MEGF10: variants seen among roughly 807,000 people sequenced by gnomAD.
MEGF10 encodes multiple epidermal growth factor-like domains protein 10.
MEGF10 carries 86 observed loss-of-function variants against 147.5 expected under a neutral mutation model. That is an observed-to-expected ratio of 0.58 (90% CI 0.49 to 0.70). The LOEUF (loss-of-function observed/expected upper bound fraction) is 0.70. MEGF10 is among the 30% of genes least tolerant of loss of function. The pLI, the probability that MEGF10 is intolerant of heterozygous loss-of-function variation, is 0.00. For synonymous variants in MEGF10, 478 were observed against 525.5 expected (o/e 0.91, Z 1.24); for missense variants, 1,329 against 1,487.3 (o/e 0.89, Z 1.75).
At chr5:127,272,548 T>G in the MEGF10 span, among the ~76,000 whole-genome samples, 1 of 152,240 alleles carries the variant, frequency 6.6e-6, no homozygotes, top group Admixed American at 6.5e-5. Flanking sequence ...TATTGATTCT[T>G]CCTATCCATG....
In MEGF10 at chr5:127,426,406, G is replaced by A. The variant is rs188032291; in HGVS notation, c.1693+3634G>A. ...TTTCCAAAAAAAGTACCATTTTATT[G>A]TAGTATGTGGTTATTTAAAACCTTA... On this transcript the variant is annotated intron_variant, in intron 13 of 24. Transcript: ENST00000503335. 4.3e-4 allele frequency among the ~76,000 whole-genome samples: 65 copies of A among 152,256 alleles called. 1 individual carries two copies. Among genetic ancestry groups the A allele is most frequent in the Middle Eastern group, 3.4e-3 (1 of 294 alleles).
chr5:127,446,670 G>A (rs1458104171), intron 20 of MEGF10, among the ~76,000 whole-genome samples: 1 of 152,186 alleles, frequency 6.6e-6, no homozygotes, highest in Admixed American at 6.5e-5. Flanking sequence ...CAAAGGGAAG[G>A]CTTGGGTTTT....
At chr5:127,450,052 A>C (rs1050407348) in intron 22 of MEGF10, among the ~76,000 whole-genome samples, 1 of 152,222 alleles carries the variant, frequency 6.6e-6, no homozygotes, top group African/African-American at 2.4e-5. Flanking sequence ...CATTTTTATA[A>C]AAAAATCTCT....
the MEGF10 span, among the ~76,000 whole-genome samples, chr5:127,239,768 G>A: frequency 2.6e-5 from 4 of 152,036 alleles, no homozygotes; most frequent in Non-Finnish European, 5.9e-5. Context: ...AGATGTTTGA[G>A]ATTTTTGCCC....
intron 7 of MEGF10, among the ~76,000 whole-genome samples, chr5:127,402,178 C>T (rs80211942): frequency 0.011 from 1,705 of 152,216 alleles, 21 homozygotes; most frequent in East Asian, 0.047. Context: ...GTATTGTTGA[C>T]TTATTGTGCA....
the MEGF10 span, among the ~76,000 whole-genome samples, chr5:127,251,871 T>C: frequency 6.6e-6 from 1 of 151,984 alleles, no homozygotes; most frequent in South Asian, 2.1e-4. Context: ...TCAGCCTGGA[T>C]ATATATTTGC....
At chr5:127,386,597 T>A (rs1425720315) in intron 5 of MEGF10, among the ~76,000 whole-genome samples, 1 of 152,194 alleles carries the variant, frequency 6.6e-6, no homozygotes, top group East Asian at 1.9e-4. Flanking sequence ...CTGAACTCAC[T>A]CCAGTTGTCT....
chr5:127,288,135 A>G (rs1275060793), upstream of MEGF10, among the ~76,000 whole-genome samples: 2 of 152,090 alleles, frequency 1.3e-5, no homozygotes, highest in Non-Finnish European at 2.9e-5. Context: ...AACAGCTAAA[A>G]CTATAAACTT....
chr5:127,256,037 C>A, the MEGF10 span, among the ~76,000 whole-genome samples: 1 of 152,172 alleles, frequency 6.6e-6, no homozygotes, highest in Non-Finnish European at 1.5e-5. Context: ...CAGCTCAAAC[C>A]AACCACTGGT....
the MEGF10 span, among the ~76,000 whole-genome samples, chr5:127,283,892 T>A: frequency 6.6e-6 from 1 of 152,162 alleles, no homozygotes; most frequent in Admixed American, 6.5e-5. Flanking sequence ...ATATTAAAAC[T>A]TTTTTTGGGG....
intron 8 of MEGF10, among the ~76,000 whole-genome samples, chr5:127,408,560 A>G (rs937554416): frequency 1.3e-5 from 2 of 152,256 alleles, no homozygotes; most frequent in African/African-American, 2.4e-5. Context: ...TGGTCCAAAA[A>G]TAGGTGTACC....
At chr5:127,369,770 T>G in intron 4 of MEGF10, 140 bp from the exon 5 acceptor site, 1 of 590,930 alleles carries the variant, frequency 1.7e-6, no homozygotes. Flanking sequence ...GTAAGAGGGC[T>G]GAGGAACGGA....
intron 2 of MEGF10, among the ~76,000 whole-genome samples, chr5:127,336,961 G>A (rs1761494940): frequency 2.0e-5 from 3 of 152,042 alleles, no homozygotes; most frequent in African/African-American, 7.2e-5. Context: ...AATGCTGTAG[G>A]CCTTAAGATT....
chr5:127,389,657 T>C (rs965125636), intron 5 of MEGF10, among the ~76,000 whole-genome samples: 3 of 152,162 alleles, frequency 2.0e-5, no homozygotes, highest in African/African-American at 7.2e-5. Context: ...ATCCTTAGCA[T>C]ACTAATGCAG....
At chr5:127,310,539 C>A (rs984222697) in intron 1 of MEGF10, among the ~76,000 whole-genome samples, 6 of 152,036 alleles carry the variant, frequency 3.9e-5, no homozygotes, top group Non-Finnish European at 8.8e-5. Flanking sequence ...ACCACAAAAA[C>A]CATTACTTGT....
chr5:127,407,646 C>G (rs970439586), intron 8 of MEGF10, among the ~76,000 whole-genome samples: 2 of 152,258 alleles, frequency 1.3e-5, no homozygotes, highest in East Asian at 3.9e-4. Context: ...AATGCATTTC[C>G]TATTTCACTG....
intron 22 of MEGF10, among the ~76,000 whole-genome samples, chr5:127,451,345 G>A (rs934660580): frequency 3.3e-5 from 5 of 152,066 alleles, no homozygotes; most frequent in Non-Finnish European, 5.9e-5. Context: ...CAAATTCTTA[G>A]TCATTTCCAT....
chr5:127,420,355 A>C (rs1764950482), intron 12 of MEGF10, 148 bp downstream of exon 12: 1 of 843,356 alleles, frequency 1.2e-6, no homozygotes, highest in African/African-American at 1.7e-5. Flanking sequence ...ATTTGGATTC[A>C]AATTGGACGT....
intron 13 of MEGF10, 73 bp downstream of exon 13, chr5:127,422,845 C>A: frequency 9.7e-7 from 1 of 1,030,418 alleles, no homozygotes; most frequent in Non-Finnish European, 1.5e-6. Flanking sequence ...CTTATCACTT[C>A]ACAGAAACAC....
Sources: gnomAD v4.1 joint callset for allele counts (sites outside exome capture counted in the v4.1 genomes callset) on GRCh38, gnomAD v4.1.1 for gene constraint, MANE v1.5 for transcripts, NCBI Gene and HGNC (gene_info 2026-07-23, HGNC 2026-07-21) for gene names.